The following MGAT5 variants were observed in gnomAD, a reference collection of about 807,000 sequenced individuals.
MGAT5 encodes the protein alpha-1,6-mannosylglycoprotein 6-beta-N-acetylglucosaminyltransferase A.
A neutral mutation model predicts 94.3 loss-of-function variants in MGAT5; 30 were observed. The observed-to-expected ratio is 0.32, with a 90% CI of 0.24 to 0.43. The LOEUF (loss-of-function observed/expected upper bound fraction) is 0.43. Among genes scored for constraint, MGAT5 ranks in the 20% least tolerant of loss-of-function variants. MGAT5 has a pLI of 1.00. For missense variants in MGAT5, 691 were observed against 905.5 expected (o/e 0.76, Z 3.04); for synonymous variants, 310 against 322.9 (o/e 0.96, Z 0.43).
chr2:134,454,431 G>GTGTC lies in MGAT5; in HGVS notation c.*5586_*5589dup, dbSNP rs1409541471. On this transcript the variant is annotated 3_prime_UTR_variant, in exon 16 of 16. Transcript: ENST00000281923. ...TTTAAGCTAATGGCCGTTTGCATCT[G>GTGTC]TGTCTTCAAACAGATCCTGGTTACA... 1 of 152,222 alleles carries GTGTC rather than the reference G, an allele frequency of 6.6e-6. No individual in the cohort carries two copies. Among genetic ancestry groups the GTGTC allele is most frequent in the East Asian group, 1.9e-4 (1 of 5,204 alleles). The allele number at this position is 152,222 out of a possible 1,614,324, so 9.4% of individuals were successfully genotyped here.
intron 2 of MGAT5, among the ~76,000 whole-genome samples, chr2:134,307,468 A>C (rs11890999): frequency 0.017 from 2,645 of 152,152 alleles, 87 homozygotes; most frequent in African/African-American, 0.06. Flanking sequence ...CACTCAAAGA[A>C]CATTAGTTAC....
At chr2:134,333,835 A>G (rs924597868) in intron 4 of MGAT5, among the ~76,000 whole-genome samples, 18 of 152,308 alleles carry the variant, frequency 1.2e-4, no homozygotes, top group Admixed American at 9.2e-4. Context: ...GTTATTGCCA[A>G]TGCTGGCTTT....
intron 1 of MGAT5, among the ~76,000 whole-genome samples, chr2:134,146,496 G>T (rs1044035261): frequency 6.6e-6 from 1 of 151,814 alleles, no homozygotes; most frequent in Non-Finnish European, 1.5e-5. Flanking sequence ...GGAGGTTGAG[G>T]CTGCAGTGAG....
intron 1 of MGAT5, among the ~76,000 whole-genome samples, chr2:134,238,330 C>T (rs1324277783): frequency 2.6e-5 from 4 of 152,162 alleles, no homozygotes; most frequent in South Asian, 2.1e-4. Flanking sequence ...TTAAGGATCA[C>T]GGTCCATAAT....
intron 9 of MGAT5, among the ~76,000 whole-genome samples, chr2:134,353,559 G>T (rs1381642078): frequency 1.3e-5 from 2 of 152,188 alleles, no homozygotes; most frequent in Non-Finnish European, 2.9e-5. Context: ...TAAAGTGAAA[G>T]AATTCAGCTT....
chr2:134,349,862 T>C lies in MGAT5; in HGVS notation c.1170T>C (p.Asn390=), dbSNP rs776075292. 11 of 1,613,696 alleles carry C rather than the reference T, an allele frequency of 6.8e-6. No homozygotes were observed. Among genetic ancestry groups the C allele is most frequent in the Non-Finnish European group, 8.5e-6 (10 of 1,179,710 alleles). Residue 390 remains asparagine (N), a synonymous_variant, in exon 9 of 16, where the codon AAT becomes AAC. Coordinates refer to ENST00000281923, the MANE Select transcript of MGAT5 (RefSeq NM_002410.5). The part of the protein sequence containing the change: ...FGTEPEFNHA[N]YAQSKGHKTP... The stretch of plus-strand genomic sequence containing the variant: ...CTGAACCCGAATTTAATCATGCAAA[T>C]TATGCCCAATCGAAAGGCCACAAGA...
chr2:134,439,481 G>A (rs1253738546), intron 14 of MGAT5, among the ~76,000 whole-genome samples: 3 of 152,192 alleles, frequency 2.0e-5, no homozygotes, highest in Admixed American at 1.3e-4. Context: ...CAGATCACCT[G>A]AGGTCAGGAG....
At chr2:134,188,412 C>G (rs1309517031) in intron 1 of MGAT5, among the ~76,000 whole-genome samples, 2 of 152,232 alleles carry the variant, frequency 1.3e-5, no homozygotes, top group Admixed American at 6.5e-5. Context: ...CACTTTATGC[C>G]TCAGTGCTCT....
chr2:134,156,598 C>G (rs761215124), intron 1 of MGAT5, among the ~76,000 whole-genome samples: 9 of 152,220 alleles, frequency 5.9e-5, no homozygotes, highest in Non-Finnish European at 1.2e-4. Context: ...GCTGCTCCTT[C>G]TGCCACTCAT....
intron 3 of MGAT5, among the ~76,000 whole-genome samples, 167 bp downstream of exon 3, chr2:134,317,772 C>T (rs1182531029): frequency 2.0e-5 from 3 of 152,134 alleles, no homozygotes; most frequent in Non-Finnish European, 4.4e-5. Flanking sequence ...GACAACCCTG[C>T]TATGCCTATG....
At chr2:134,325,694 G>A (rs1474702354) in intron 4 of MGAT5, among the ~76,000 whole-genome samples, 1 of 152,072 alleles carries the variant, frequency 6.6e-6, no homozygotes, top group Non-Finnish European at 1.5e-5. Context: ...ATAAATTAAA[G>A]TTTATTTATT....
At chr2:134,259,654 T>C (rs902395482) in intron 1 of MGAT5, among the ~76,000 whole-genome samples, 2 of 152,174 alleles carry the variant, frequency 1.3e-5, no homozygotes, top group African/African-American at 4.8e-5. Context: ...AGGTTCTGTG[T>C]GCCTGTTCTT....
At position 134,453,308 on chromosome 2, in the gene MGAT5, C is replaced by T. The variant is rs1169317251; in HGVS notation, c.*4461C>T. ...TGCACTGGTTTGAAAATATGCCAGA[C>T]TTCAGCCCCCAAGGAAACAAGGCTG... On this transcript the variant is annotated 3_prime_UTR_variant, in exon 16 of 16. Coordinates refer to ENST00000281923, the MANE Select transcript of MGAT5 (RefSeq NM_002410.5). 1 of 152,196 alleles carries T rather than the reference C, an allele frequency of 6.6e-6. No individual in the cohort carries two copies. The highest frequency in any genetic ancestry group is 1.5e-5 in the Non-Finnish European group (1 of 68,044). The allele number at this position is 152,196 out of a possible 1,614,324, so 9.4% of individuals were successfully genotyped here. A position where few individuals can be genotyped will look rare whatever the true frequency, so the allele number is the denominator to read the frequency against.
chr2:134,381,330 CATAGATAGATAGATAG>C (rs10637591), intron 10 of MGAT5, among the ~76,000 whole-genome samples: 2 of 67,870 alleles, frequency 2.9e-5, no homozygotes, highest in African/African-American at 5.0e-5. Context: ...AGACCTGTCT[CATAGATAGATAGATAG>C]ATAGATAGAT....
In MGAT5 at chr2:134,270,474, T is replaced by C. The variant is rs774919892; in HGVS notation, c.330T>C (p.Asn110=). 3.4e-5 allele frequency: 55 copies of C among 1,614,112 alleles called. 3 individuals carry two copies. In the South Asian group the frequency reaches 5.8e-4, roughly 17 times the overall value. ...LESKVDNLVV[N]GTGTNSTNST... ...CGAAGGTGGACAATCTTGTTGTCAA[T>C]GGCACCGGAACAAACTCAACCAACT... is the stretch of plus-strand genomic sequence containing the variant. Residue 110 remains asparagine, a synonymous_variant, in exon 2 of 16, where the codon AAT becomes AAC. Transcript: ENST00000281923.
intron 2 of MGAT5, among the ~76,000 whole-genome samples, chr2:134,290,396 C>T (rs1208997410): frequency 6.6e-6 from 1 of 151,618 alleles, no homozygotes; most frequent in Non-Finnish European, 1.5e-5. Context: ...GTTGCACTTA[C>T]TGTGCTGCAA....
At chr2:134,138,956 C>T (rs1274279188) in intron 1 of MGAT5, among the ~76,000 whole-genome samples, 3 of 152,136 alleles carry the variant, frequency 2.0e-5, no homozygotes, top group Non-Finnish European at 2.9e-5. Flanking sequence ...TTAAATTGTG[C>T]CTACTTTCCA....
intron 1 of MGAT5, among the ~76,000 whole-genome samples, chr2:134,162,893 T>C (rs1283469043): frequency 3.3e-5 from 5 of 152,296 alleles, no homozygotes; most frequent in East Asian, 3.9e-4. Context: ...AAACTGTGTA[T>C]TGAAGTGGGA....
intron 13 of MGAT5, among the ~76,000 whole-genome samples, chr2:134,426,054 C>G (rs989579208): frequency 1.3e-5 from 2 of 152,104 alleles, no homozygotes; most frequent in Admixed American, 1.3e-4. Flanking sequence ...AACTTTTATG[C>G]AGAAAACTGC....
Sources: gnomAD v4.1 joint callset for allele counts (sites outside exome capture counted in the v4.1 genomes callset) on GRCh38, gnomAD v4.1.1 for gene constraint, MANE v1.5 for transcripts, NCBI Gene and HGNC (gene_info 2026-07-23, HGNC 2026-07-21) for gene names.